The following SBK3 variants were observed in gnomAD, a reference collection of about 807,000 sequenced individuals.
SBK3 encodes uncharacterized serine/threonine-protein kinase SBK3.
SBK3 carries 16 observed loss-of-function variants against 12.7 expected under a neutral mutation model. The observed-to-expected ratio is 1.26, with a 90% CI of 0.86 to 1.92. SBK3 has a LOEUF of 1.92. Ranked by LOEUF, SBK3 falls within the 40% of genes most tolerant of loss-of-function variation. The pLI is 0.00. For missense variants in SBK3, 462 were observed against 481.8 expected (o/e 0.96, Z 0.38); for synonymous variants, 217 against 213.6 (o/e 1.02, Z -0.14).
rs1568497354 is a variant in SBK3 at position 55,544,896 on chromosome 19, CA to C, written c.98del (p.Val33GlyfsTer4). ...GGTCCCGAAGGCTCCTCACCGGGGT[CA>C]CCCTGCTGGTCGTCAGCTCCACCAG... Reference protein sequence around the residue: ...QRLVELTTSRVTPVRSLRDQY... With the variant: ...QRLVELTTSRXTPVRSLRDQY... On this transcript the variant is annotated frameshift_variant, in exon 2 of 4. Coordinates refer to ENST00000612221, the MANE Select transcript of SBK3 (RefSeq NM_001199824.2). LOFTEE classifies it high-confidence loss of function. 6.5e-7 allele frequency: 1 copy of C among 1,534,460 alleles called. No individual in the cohort carries two copies. Among genetic ancestry groups the C allele is most frequent in the Non-Finnish European group, 8.7e-7 (1 of 1,146,426 alleles).
At position 55,541,113 on chromosome 19, in the gene SBK3, G is replaced by C. The variant is rs1299904648; in HGVS notation, c.813C>G (p.Pro271=). The C allele has an allele frequency of 6.5e-7, 1 of 1,535,848 alleles. No individual in the cohort carries two copies. Among genetic ancestry groups the C allele is most frequent in the South Asian group, 1.2e-5 (1 of 84,030 alleles). ...GGGCTGGGGGCGCAAACTGGTCCCA[G>C]GGTGGTGGTGGCTGAGGTGGCTGAG... is the stretch of plus-strand genomic sequence containing the variant. ...TKPQPPQPPP[P]WDQFAPPALA... Residue 271 remains proline, a synonymous_variant, in exon 4 of 4, where the codon CCC becomes CCG. Coordinates refer to ENST00000612221, the MANE Select transcript of SBK3 (RefSeq NM_001199824.2). This position sits in a 1 kb window ranked among gnomAD's most constrained non-coding sequence, Gnocchi z 5.3.
intron 3 of SBK3, 37 bp downstream of exon 3, chr19:55,544,063 G>T: frequency 7.0e-7 from 1 of 1,431,232 alleles, no homozygotes; most frequent in Non-Finnish European, 9.2e-7. Context: ...TTGGACCTGG[G>T]ATAAGCACTC....
intron 3 of SBK3, among the ~76,000 whole-genome samples, chr19:55,543,285 C>T (rs1333818796): frequency 7.0e-6 from 1 of 143,162 alleles, no homozygotes; most frequent in Non-Finnish European, 1.5e-5. Flanking sequence ...TCCATCCATC[C>T]ACTCACCCAC....
Position 55,545,423 on chromosome 19 carries a change from C to A in SBK3, c.45+76G>T. On this transcript the variant is annotated intron_variant, in intron 1 of 3. Coordinates refer to ENST00000612221, the MANE Select transcript of SBK3 (RefSeq NM_001199824.2). This position sits in a 1 kb window ranked among gnomAD's most constrained non-coding sequence, Gnocchi z 4.4. The stretch of plus-strand genomic sequence containing the variant: ...CCCTGTTTTCTGTTTCTCTTCCTCT[C>A]TCTCCCCGTGTTGCCTCCTGCCTCT... 1 of 1,204,630 alleles carries A rather than the reference C, an allele frequency of 8.3e-7. No individual in the cohort carries two copies. The allele number at this position is 1,204,630 out of a possible 1,614,324, so 74.6% of individuals were successfully genotyped here.
At chr19:55,544,768 G>C in intron 2 of SBK3, 31 bp downstream of exon 2, 1 of 1,462,058 alleles carries the variant, frequency 6.8e-7, no homozygotes, top group Non-Finnish European at 9.0e-7. Flanking sequence ...TGGGGCAGTT[G>C]GGGAGGCTGC....
At chr19:55,543,440 C>T (rs1023569025) in intron 3 of SBK3, among the ~76,000 whole-genome samples, 6 of 150,982 alleles carry the variant, frequency 4.0e-5, no homozygotes, top group Admixed American at 6.7e-5. Flanking sequence ...TTCCATCCTT[C>T]TAATTCTCAA....
chr19:55,545,158 G>C lies in SBK3; in HGVS notation c.46-209C>G. The C allele has an allele frequency of 1.7e-6, 1 of 580,222 alleles. No homozygotes were observed. Among genetic ancestry groups the C allele is most frequent in the Non-Finnish European group, 3.0e-6 (1 of 329,002 alleles). The allele number at this position is 580,222 out of a possible 1,614,324, so 35.9% of individuals were successfully genotyped here. A position where few individuals can be genotyped will look rare whatever the true frequency, so the allele number is the denominator to read the frequency against. On this transcript the variant is annotated intron_variant, in intron 1 of 3. Transcript: ENST00000612221. The surrounding 1 kb of genome is among the most constrained non-coding windows in gnomAD (Gnocchi z 4.4). ...AGAGGTTAGGGGTCACTGCCACAGA[G>C]GCCCCGCCTGCCCCTGTCTGTGGGA...
Position 55,545,345 on chromosome 19 carries a change from G to T in SBK3, c.45+154C>A. On this transcript the variant is annotated intron_variant, in intron 1 of 3. Coordinates refer to ENST00000612221, the MANE Select transcript of SBK3 (RefSeq NM_001199824.2). The surrounding 1 kb of genome is among the most constrained non-coding windows in gnomAD (Gnocchi z 4.4). ...GGCCTTGGTCTCGCTGTGTGTCCTTGGATCTCTGTCATCCTCTCTCCCTGG... is the reference window on the plus strand; with the variant it reads ...GGCCTTGGTCTCGCTGTGTGTCCTTTGATCTCTGTCATCCTCTCTCCCTGG... 1 of 642,190 alleles carries T rather than the reference G, an allele frequency of 1.6e-6. No individual in the cohort carries two copies. The highest frequency in any genetic ancestry group is 2.7e-6 in the Non-Finnish European group (1 of 371,184). The allele number at this position is 642,190 out of a possible 1,614,324, so 39.8% of individuals were successfully genotyped here.
intron 3 of SBK3, among the ~76,000 whole-genome samples, chr19:55,543,324 C>CCATT (rs1988605729): frequency 7.7e-6 from 1 of 130,562 alleles, no homozygotes; most frequent in African/African-American, 3.1e-5. Context: ...ATCCATCCAT[C>CCATT]CATCCATCCA....
chr19:55,542,130 T>C (rs1988568188), intron 3 of SBK3, among the ~76,000 whole-genome samples: 1 of 152,204 alleles, frequency 6.6e-6, no homozygotes, highest in African/African-American at 2.4e-5. Flanking sequence ...GTTTATTTCA[T>C]CAATTGATTA....
At chr19:55,542,767 TCCATCCATCCAC>T (rs1053841841) in intron 3 of SBK3, among the ~76,000 whole-genome samples, 6 of 141,112 alleles carry the variant, frequency 4.3e-5, no homozygotes, top group African/African-American at 1.1e-4. Flanking sequence ...AAACCTTTCA[TCCATCCATCCAC>T]CCATCCATCC....
At position 55,540,736 on chromosome 19, in the gene SBK3, G is replaced by C. The variant is rs139790214; in HGVS notation, c.*110C>G. ...CAGCGTTCCGTAGGGAGAGTGCAAT[G>C]TGTTCCCTCTCTGTCCTCCCGGGTG... is the stretch of plus-strand genomic sequence containing the variant. On this transcript the variant is annotated 3_prime_UTR_variant, in exon 4 of 4. Coordinates refer to ENST00000612221, the MANE Select transcript of SBK3 (RefSeq NM_001199824.2). The C allele has an allele frequency of 6.5e-6, 6 of 919,952 alleles. No homozygotes were observed. Among genetic ancestry groups the C allele is most frequent in the South Asian group, 1.4e-5 (1 of 71,636 alleles). 57.0% of individuals were successfully genotyped at this position (919,952 alleles called of 1,614,324 possible). A position where few individuals can be genotyped will look rare whatever the true frequency, so the allele number is the denominator to read the frequency against.
chr19:55,544,714 C>A, intron 2 of SBK3, 85 bp downstream of exon 2: 1 of 1,338,558 alleles, frequency 7.5e-7, no homozygotes, highest in Non-Finnish European at 9.9e-7. Flanking sequence ...TCAGCTCCTC[C>A]TGGGAATGCC....
chr19:55,545,370 G>A lies in SBK3; in HGVS notation c.45+129C>T. ...GGATCTCTGTCATCCTCTCTCCCTGGGTCTGGGTCTCTGAGGTCTTTGCGT... is the reference window on the plus strand; with the variant it reads ...GGATCTCTGTCATCCTCTCTCCCTGAGTCTGGGTCTCTGAGGTCTTTGCGT... On this transcript the variant is annotated intron_variant, in intron 1 of 3. Transcript: ENST00000612221. This position sits in a 1 kb window ranked among gnomAD's most constrained non-coding sequence, Gnocchi z 4.4. The A allele has an allele frequency of 1.4e-6, 1 of 720,812 alleles. No individual in the cohort carries two copies. Among genetic ancestry groups the A allele is most frequent in the Non-Finnish European group, 2.3e-6 (1 of 433,062 alleles). 44.7% of individuals were successfully genotyped at this position (720,812 alleles called of 1,614,324 possible). A position where few individuals can be genotyped will look rare whatever the true frequency, so the allele number is the denominator to read the frequency against.
Position 55,541,645 on chromosome 19 carries a change from G to T in SBK3, c.400-119C>A. The T allele has an allele frequency of 2.5e-6, 2 of 786,026 alleles. No homozygotes were observed. The highest frequency in any genetic ancestry group is 3.9e-6 in the Non-Finnish European group (2 of 510,056). 48.7% of individuals were successfully genotyped at this position (786,026 alleles called of 1,614,324 possible). A position where few individuals can be genotyped will look rare whatever the true frequency, so the allele number is the denominator to read the frequency against. On this transcript the variant is annotated intron_variant, in intron 3 of 3. Transcript: ENST00000612221. The surrounding 1 kb of genome is among the most constrained non-coding windows in gnomAD (Gnocchi z 5.3). ...TCCTCCTGCCTTGGCCTCCCAAAGT[G>T]CTGGGATTATAGGCATGAGGCACTG... is the stretch of plus-strand genomic sequence containing the variant.
At position 55,544,877 on chromosome 19, in the gene SBK3, G is replaced by C. The variant is rs942839786; in HGVS notation, c.118C>G (p.Arg40Gly). The change falls in exon 2 of 4, where the codon CGG (arginine) becomes GGG (glycine). Residue 40 changes from arginine to glycine, a missense_variant. Transcript: ENST00000612221. ...TTCCGGATGAGGTGGTACTGGTCCC[G>C]AAGGCTCCTCACCGGGGTCACCCTG... Reference protein sequence around the residue: ...TSRVTPVRSLRDQYHLIRKLG... With the variant: ...TSRVTPVRSLGDQYHLIRKLG... 3.7e-4 allele frequency: 575 copies of C among 1,534,322 alleles called. 1 individual carries two copies. Among genetic ancestry groups the C allele is most frequent in the Non-Finnish European group, 4.7e-4 (534 of 1,146,428 alleles).
intron 3 of SBK3, among the ~76,000 whole-genome samples, chr19:55,542,813 GATCCATCCATCC>G (rs775579408): frequency 8.9e-4 from 57 of 63,724 alleles, no homozygotes; most frequent in African/African-American, 3.4e-3. Context: ...TCCTTCTATC[GATCCATCCATCC>G]ATCCATCCAT....
chr19:55,544,748 A>G (rs1381142999), intron 2 of SBK3, 51 bp downstream of exon 2: 3 of 1,437,488 alleles, frequency 2.1e-6, no homozygotes. Context: ...GCTTCCGAGA[A>G]TGCTTATTGT....
In SBK3 at chr19:55,544,235, G is replaced by A. The variant is rs994379965; in HGVS notation, c.264C>T (p.Phe88=). 48 of 1,536,036 alleles carry A rather than the reference G, an allele frequency of 3.1e-5. No homozygotes were observed. The Admixed American group carries it at 5.3e-4, about 17-fold the overall frequency. The change falls in exon 3 of 4, where the codon TTC becomes TTT. Residue 88 remains phenylalanine (F), a synonymous_variant. Transcript: ENST00000612221. ...LVLRSTFLRE[F]CVGRCVSAHP... is the part of the protein sequence containing the mutation. ...GTGCAGAGACGCAGCGGCCCACACA[G>A]AACTCCCTCAGGAAGGTGCTTCTCA...
Sources: gnomAD v4.1 joint callset for allele counts (sites outside exome capture counted in the v4.1 genomes callset) on GRCh38, gnomAD v4.1.1 for gene constraint, Gnocchi (gnomAD v3.1) non-coding constraint, MANE v1.5 for transcripts, NCBI Gene and HGNC (gene_info 2026-07-23, HGNC 2026-07-21) for gene names.